Variants in SEMA6D observed in about 807,000 individuals in gnomAD.
SEMA6D encodes semaphorin 6D.
A neutral mutation model predicts 106.6 loss-of-function variants in SEMA6D; 35 were observed. The observed-to-expected ratio is 0.33, with a 90% CI of 0.25 to 0.44. The LOEUF is 0.44. SEMA6D is among the 20% of genes least tolerant of loss of function. The pLI is 1.00. For missense variants in SEMA6D, 1,185 were observed against 1,345.9 expected, an observed-to-expected ratio of 0.88 and a Z score of 1.87; for synonymous variants, 499 against 487.7, an observed-to-expected ratio of 1.02 and a Z score of -0.31.
rs1216593235 is a variant in SEMA6D at position 47,771,246 on chromosome 15, G to A, written c.2683G>A (p.Ala895Thr). 11 of 1,613,908 alleles carry A rather than the reference G, an allele frequency of 6.8e-6. No individual in the cohort carries two copies. The highest frequency in any genetic ancestry group is 9.3e-6 in the Non-Finnish European group (11 of 1,179,988). Reference protein sequence around the residue: ...HLNDPNSNPKAIMGDIQMAHQ... With the variant: ...HLNDPNSNPKTIMGDIQMAHQ... ...GAATGACCCAAATAGTAACCCCAAAGCCATCATGGGAGACATCCAGATGGC... is the reference window on the plus strand; with the variant it reads ...GAATGACCCAAATAGTAACCCCAAAACCATCATGGGAGACATCCAGATGGC... The change falls in exon 19 of 19, where the codon GCC becomes ACC. Residue 895 changes from alanine (A) to threonine (T), a missense_variant. By Grantham distance (58) the Ala-to-Thr change is moderately conservative (BLOSUM62 0). Coordinates refer to ENST00000536845, the MANE Select transcript of SEMA6D (RefSeq NM_001358351.3).
At chr15:47,745,025 A>AT (rs1305570479) in intron 1 of SEMA6D, among the ~76,000 whole-genome samples, 9 of 152,206 alleles carry the variant, frequency 5.9e-5, no homozygotes, top group African/African-American at 1.9e-4. Flanking sequence ...TAGAATCCAG[A>AT]TTTTTTACCT....
At chr15:47,680,176 T>C (rs1412039423) in intron 4 of SEMA6D, among the ~76,000 whole-genome samples, 1 of 152,158 alleles carries the variant, frequency 6.6e-6, no homozygotes, top group Non-Finnish European at 1.5e-5. Context: ...AAATTTTCCT[T>C]TGTTGCCCTT....
At chr15:47,273,022 G>A (rs558720580) in intron 1 of SEMA6D, 1 of 152,262 alleles carries the variant, frequency 6.6e-6, no homozygotes, top group South Asian at 2.1e-4. Context: ...AGTTTCCAGA[G>A]CCTCCTAGGA....
chr15:47,194,601 C>T (rs541217829), intron 1 of SEMA6D, among the ~76,000 whole-genome samples: 12 of 152,264 alleles, frequency 7.9e-5, no homozygotes, highest in Middle Eastern at 3.4e-3. Context: ...AGAGAATGTT[C>T]AGTAGGGCCT....
intron 3 of SEMA6D, among the ~76,000 whole-genome samples, chr15:47,476,952 A>G (rs2043020199): frequency 6.6e-6 from 1 of 152,212 alleles, no homozygotes; most frequent in Non-Finnish European, 1.5e-5. Flanking sequence ...GTCATGTAAA[A>G]GGATCATAGT....
rs185273244 is a variant in SEMA6D, at chr15:47,289,522, G to A, written c.-239+105104G>A. ...ACAGTGTAGCAACAAAGAGCCCAGG[G>A]GATTTGATTTTGAGTGAAAGGCAAA... On this transcript the variant is annotated intron_variant, in intron 1 of 19. Coordinates refer to the SEMA6D transcript ENST00000558014. 2.0e-3 allele frequency among the ~76,000 whole-genome samples: 310 copies of A among 152,094 alleles called. 2 individuals carry two copies. The highest frequency in any genetic ancestry group is 7.0e-3 in the African/African-American group (290 of 41,496).
At chr15:47,423,464 G>A (rs370344395) in intron 2 of SEMA6D, among the ~76,000 whole-genome samples, 3 of 152,098 alleles carry the variant, frequency 2.0e-5, no homozygotes, top group East Asian at 3.9e-4. Context: ...TTAAGTCAAA[G>A]CTTATTTAAT....
chr15:47,474,440 A>T (rs184167837), intron 3 of SEMA6D, among the ~76,000 whole-genome samples: 1 of 152,354 alleles, frequency 6.6e-6, no homozygotes, highest in Admixed American at 6.5e-5. Context: ...TTTCTAGGCA[A>T]TGAAAACCTT....
At chr15:47,628,206 A>G (rs2077235000) in intron 4 of SEMA6D, among the ~76,000 whole-genome samples, 1 of 152,088 alleles carries the variant, frequency 6.6e-6, no homozygotes, top group African/African-American at 2.4e-5. Flanking sequence ...TACTATTATT[A>G]TAAGATAAAA....
At chr15:47,759,679 G>C (rs1370061058) in intron 1 of SEMA6D, 66 bp from the exon 2 acceptor site, 1 of 725,658 alleles carries the variant, frequency 1.4e-6, no homozygotes, top group East Asian at 2.5e-5. Context: ...AAACTGAGCT[G>C]ATTACAAACA....
rs1261142226 is a variant in SEMA6D, at chr15:47,675,293, GGA to G, written c.-55+74405_-55+74406del. 6.6e-5 allele frequency among the ~76,000 whole-genome samples: 10 copies of G among 152,268 alleles called. No individual in the cohort carries two copies. In the East Asian group the frequency reaches 1.5e-3, roughly 24 times the overall value. ...AGGACCTCAGAATGTGACCATATTT[GGA>G]GAGAGAGCCTTTAAAGAGATAATTA... On this transcript the variant is annotated intron_variant, in intron 4 of 19. Transcript: ENST00000558014.
intron 1 of SEMA6D, among the ~76,000 whole-genome samples, chr15:47,379,771 T>C (rs1168559568): frequency 6.6e-6 from 1 of 152,214 alleles, no homozygotes; most frequent in Non-Finnish European, 1.5e-5. Flanking sequence ...TTTAATTTTG[T>C]TTTGAGATGG....
chr15:47,655,452 A>T (rs1405540650), intron 4 of SEMA6D, among the ~76,000 whole-genome samples: 3 of 152,252 alleles, frequency 2.0e-5, no homozygotes, highest in Admixed American at 2.0e-4. Flanking sequence ...AATAATATGT[A>T]TATGTGCATT....
At chr15:47,439,861 A>C in intron 2 of SEMA6D, among the ~76,000 whole-genome samples, 1 of 152,126 alleles carries the variant, frequency 6.6e-6, no homozygotes, top group East Asian at 1.9e-4. Flanking sequence ...CACAACTGCC[A>C]AGAGGAATTT....
chr15:47,678,619 A>G (rs2078290636), intron 4 of SEMA6D, among the ~76,000 whole-genome samples: 1 of 151,766 alleles, frequency 6.6e-6, no homozygotes, highest in South Asian at 2.1e-4. Flanking sequence ...CATGGATGGG[A>G]GTGGCAAAGT....
intron 1 of SEMA6D, among the ~76,000 whole-genome samples, chr15:47,291,792 T>TG (rs1265103935): frequency 1.3e-5 from 2 of 152,352 alleles, no homozygotes; most frequent in African/African-American, 4.8e-5. Context: ...CATAACACTG[T>TG]GATAGACCTT....
intron 1 of SEMA6D, among the ~76,000 whole-genome samples, chr15:47,307,257 A>G (rs1566986991): frequency 6.6e-6 from 1 of 152,236 alleles, no homozygotes; most frequent in Non-Finnish European, 1.5e-5. Flanking sequence ...GCACATTCAT[A>G]TTAAAGAGTT....
chr15:47,189,102 A>G (rs1244149358), intron 1 of SEMA6D, among the ~76,000 whole-genome samples: 4 of 152,138 alleles, frequency 2.6e-5, no homozygotes, highest in Non-Finnish European at 5.9e-5. Context: ...ATAAATGTAG[A>G]AAAAGTTATT....
intron 1 of SEMA6D, among the ~76,000 whole-genome samples, chr15:47,389,851 A>G (rs886767332): frequency 2.0e-5 from 3 of 152,052 alleles, no homozygotes; most frequent in African/African-American, 7.2e-5. Context: ...ATTCACTTCC[A>G]TTTTACTCCT....
Sources: gnomAD v4.1 joint callset for allele counts (sites outside exome capture counted in the v4.1 genomes callset) on GRCh38, gnomAD v4.1.1 for gene constraint, MANE v1.5 for transcripts, NCBI Gene and HGNC (gene_info 2026-07-23, HGNC 2026-07-21) for gene names.